The following TTC28 variants were observed in gnomAD, a reference collection of about 807,000 sequenced individuals.
TTC28 encodes tetratricopeptide repeat domain 28, also known as tetratricopeptide repeat protein 28.
A neutral mutation model predicts 198.0 loss-of-function variants in TTC28; 61 were observed. The ratio of observed to expected loss-of-function variants is 0.31; its 90% CI spans 0.25 to 0.38. The LOEUF is 0.38. Among genes scored for constraint, TTC28 ranks in the 10% least tolerant of loss-of-function variants. The pLI is 1.00. For synonymous variants in TTC28, 1,171 were observed against 1,297.8 expected, an observed-to-expected ratio of 0.90 and a Z score of 2.10; for missense variants, 2,678 against 3,164.0, an observed-to-expected ratio of 0.85 and a Z score of 3.69.
chr22:28,463,457 T>C (rs1023850158), intron 2 of TTC28, among the ~76,000 whole-genome samples: 1 of 152,190 alleles, frequency 6.6e-6, no homozygotes, highest in Non-Finnish European at 1.5e-5. Flanking sequence ...TAATGGCACA[T>C]GCACACATGT....
At chr22:28,640,788 C>A (rs1378144993) in intron 1 of TTC28, among the ~76,000 whole-genome samples, 2 of 152,020 alleles carry the variant, frequency 1.3e-5, no homozygotes. Context: ...AATGGTACAA[C>A]CACTGTGGAA....
rs1207015527 is a variant in TTC28, at chr22:28,107,712, C to T, written c.2133G>A (p.Gln711=). The T allele has an allele frequency of 8.4e-6, 13 of 1,551,676 alleles. No individual in the cohort carries two copies. The highest frequency in any genetic ancestry group is 1.1e-5 in the Non-Finnish European group (13 of 1,147,002). Residue 711 remains glutamine, a synonymous_variant, in exon 7 of 23, where the codon CAG becomes CAA. Coordinates refer to ENST00000397906, the MANE Select transcript of TTC28 (RefSeq NM_001145418.2). ...GGTTTCCTAGGGCTCGAAATTTAGC[C>T]TGGGAATTATTCAGAGACTGGGCTA... The part of the protein sequence containing the change: ...LSLAQSLNNS[Q]AKFRALGNLG...
At chr22:28,598,639 C>T (rs1004566394) in intron 2 of TTC28, among the ~76,000 whole-genome samples, 9 of 150,214 alleles carry the variant, frequency 6.0e-5, no homozygotes, top group South Asian at 2.1e-4. Context: ...ATTTAGTAAA[C>T]GGTGATGACA....
rs1232224853 is a variant in TTC28 at position 28,163,198 on chromosome 22, C to A, written c.1335G>T (p.Arg445Ser). The A allele has an allele frequency of 1.3e-6, 2 of 1,551,638 alleles. No homozygotes were observed. Among genetic ancestry groups the A allele is most frequent in the African/African-American group, 1.4e-5 (1 of 73,038 alleles). Reference sequence around the variant, plus strand: ...TAGCTCTCTCCAAATCCTGCATGCACCTGGCAGCATGGCCTAGTCCAGCAT... The same window carrying A: ...TAGCTCTCTCCAAATCCTGCATGCAACTGGCAGCATGGCCTAGTCCAGCAT... The part of the protein sequence containing the change: ...RAYAGLGHAA[R>S]CMQDLERAKQ... The change falls in exon 6 of 23, where the codon AGG (arginine) becomes AGT (serine). Residue 445 changes from arginine (R) to serine (S), a missense_variant. Arg to Ser is a moderately radical substitution (Grantham distance 110). Coordinates refer to ENST00000397906, the MANE Select transcript of TTC28 (RefSeq NM_001145418.2).
chr22:28,323,407 T>C (rs1046149171), intron 2 of TTC28, among the ~76,000 whole-genome samples: 4 of 152,162 alleles, frequency 2.6e-5, no homozygotes, highest in African/African-American at 9.7e-5. Flanking sequence ...TCCTATCAGA[T>C]AAATTTAATA....
intron 14 of TTC28, among the ~76,000 whole-genome samples, chr22:28,004,314 T>C (rs895813744): frequency 2.0e-5 from 3 of 152,144 alleles, no homozygotes; most frequent in Admixed American, 6.5e-5. Context: ...CTGCAAAGCA[T>C]TGAGAGGCAG....
chr22:28,116,596 C>T (rs1287293085), intron 6 of TTC28, among the ~76,000 whole-genome samples: 2 of 152,024 alleles, frequency 1.3e-5, no homozygotes, highest in Non-Finnish European at 2.9e-5. Flanking sequence ...TTCTGGATCA[C>T]AATAAGAGGT....
intron 2 of TTC28, among the ~76,000 whole-genome samples, chr22:28,417,400 G>C (rs916572041): frequency 6.6e-6 from 1 of 151,402 alleles, no homozygotes; most frequent in South Asian, 2.1e-4. Context: ...CCTTAAGCCC[G>C]GGAGTTCAAG....
chr22:28,122,625 T>C (rs1320842302), intron 6 of TTC28, among the ~76,000 whole-genome samples: 2 of 152,198 alleles, frequency 1.3e-5, no homozygotes, highest in Non-Finnish European at 2.9e-5. Context: ...AATCATATTA[T>C]ATGCACTGAT....
At chr22:28,132,938 T>C (rs1427231488) in intron 6 of TTC28, among the ~76,000 whole-genome samples, 1 of 152,186 alleles carries the variant, frequency 6.6e-6, no homozygotes, top group African/African-American at 2.4e-5. Flanking sequence ...GAGACATTTG[T>C]AATGGCCGGG....
intron 2 of TTC28, among the ~76,000 whole-genome samples, chr22:28,368,944 A>G (rs1246682534): frequency 6.6e-6 from 1 of 152,140 alleles, no homozygotes; most frequent in African/African-American, 2.4e-5. Context: ...AAGAATCAAT[A>G]TTGTTAAAAT....
chr22:28,296,343 G>GA lies in TTC28; in HGVS notation c.803-16dup, dbSNP rs747128323. 83,393 of 902,912 alleles carry GA rather than the reference G, an allele frequency of 0.092. 2 individuals are homozygous for GA. The highest frequency in any genetic ancestry group is 0.12 in the South Asian group (5,282 of 44,392). 55.9% of individuals were successfully genotyped at this position (902,912 alleles called of 1,614,324 possible). ...TGTCTGGTCACCTGGATTGAATTGA[G>GA]AAAAAAAAAAAGAAAAAATTTCTCT... On this transcript the variant is annotated splice_polypyrimidine_tract_variant and intron_variant, in intron 4 of 22. Coordinates refer to ENST00000397906, the MANE Select transcript of TTC28 (RefSeq NM_001145418.2).
chr22:28,449,531 G>T (rs984547724), intron 2 of TTC28, among the ~76,000 whole-genome samples: 8 of 152,190 alleles, frequency 5.3e-5, no homozygotes, highest in Admixed American at 2.6e-4. Context: ...GGAAGCTAAG[G>T]CTAAAGAATT....
intron 2 of TTC28, among the ~76,000 whole-genome samples, chr22:28,463,003 T>G (rs2047970290): frequency 6.6e-6 from 1 of 152,194 alleles, no homozygotes; most frequent in East Asian, 1.9e-4. Flanking sequence ...GCCCATAATT[T>G]GATACAGCAA....
intron 2 of TTC28, among the ~76,000 whole-genome samples, chr22:28,312,490 A>G (rs1023810768): frequency 6.6e-6 from 1 of 152,188 alleles, no homozygotes; most frequent in African/African-American, 2.4e-5. Context: ...ATATAAAAGA[A>G]CAGAAATCAC....
At chr22:28,301,753 C>T (rs1439943929) in intron 3 of TTC28, among the ~76,000 whole-genome samples, 1 of 152,006 alleles carries the variant, frequency 6.6e-6, no homozygotes, top group East Asian at 1.9e-4. Context: ...CTTTGTAATA[C>T]ATAAAATAAT....
intron 12 of TTC28, among the ~76,000 whole-genome samples, chr22:28,053,554 T>C (rs1327441337): frequency 6.6e-6 from 1 of 152,222 alleles, no homozygotes; most frequent in Non-Finnish European, 1.5e-5. Flanking sequence ...TCTCCAGAGT[T>C]ATTTTCATTG....
intron 5 of TTC28, among the ~76,000 whole-genome samples, chr22:28,216,480 A>C (rs1927410723): frequency 1.3e-5 from 2 of 152,160 alleles, no homozygotes; most frequent in South Asian, 2.1e-4. Context: ...TATGTGTTGT[A>C]AATTGGGGAG....
chr22:28,147,234 T>G (rs778666193), intron 6 of TTC28, among the ~76,000 whole-genome samples: 4 of 152,200 alleles, frequency 2.6e-5, no homozygotes, highest in Non-Finnish European at 5.9e-5. Flanking sequence ...AAAAGCTACT[T>G]TTTGAAGTTA....
Sources: gnomAD v4.1 joint callset for allele counts (sites outside exome capture counted in the v4.1 genomes callset) on GRCh38, gnomAD v4.1.1 for gene constraint, MANE v1.5 for transcripts, NCBI Gene and HGNC (gene_info 2026-07-23, HGNC 2026-07-21) for gene names.